The following EXT1 variants were observed in gnomAD, a reference collection of about 807,000 sequenced individuals.
The protein encoded by EXT1 is exostosin glycosyltransferase 1, also known as exostosin-1.
A neutral mutation model predicts 82.5 loss-of-function variants in EXT1; 20 were observed. The observed-to-expected ratio is 0.24, with a 90% CI of 0.17 to 0.35. EXT1 has a LOEUF of 0.35. Ranked by LOEUF, EXT1 falls within the 10% of genes least tolerant of loss-of-function variation. EXT1 has a pLI of 1.00. For missense variants in EXT1, 757 were observed against 936.5 expected, an observed-to-expected ratio of 0.81 and a Z score of 2.50; for synonymous variants, 348 against 350.8, an observed-to-expected ratio of 0.99 and a Z score of 0.09.
chr8:117,829,131 A>G (rs986246271), intron 4 of EXT1, among the ~76,000 whole-genome samples: 8 of 152,142 alleles, frequency 5.3e-5, no homozygotes, highest in Admixed American at 2.0e-4. Context: ...AATCACCTCA[A>G]CGAAGATCTC....
chr8:118,103,977 T>C (rs1817767584), intron 1 of EXT1, among the ~76,000 whole-genome samples: 1 of 152,246 alleles, frequency 6.6e-6, no homozygotes, highest in Non-Finnish European at 1.5e-5. Context: ...AAAGTTAATA[T>C]GTAACAGGGA....
chr8:117,930,438 C>T (rs1331111034), intron 1 of EXT1, among the ~76,000 whole-genome samples: 6 of 151,780 alleles, frequency 4.0e-5, no homozygotes, highest in Admixed American at 2.0e-4. Flanking sequence ...GACTCAAAGA[C>T]ATAAAGACTT....
intron 1 of EXT1, among the ~76,000 whole-genome samples, chr8:117,867,284 A>G (rs1812791740): frequency 7.1e-6 from 1 of 140,088 alleles, no homozygotes; most frequent in South Asian, 2.2e-4. Flanking sequence ...GCTTGAGGAA[A>G]TTTATAGCCC....
intron 1 of EXT1, among the ~76,000 whole-genome samples, chr8:118,044,001 C>T (rs1256025375): frequency 1.3e-5 from 2 of 152,188 alleles, no homozygotes; most frequent in African/African-American, 4.8e-5. Flanking sequence ...TTTACATCAG[C>T]TCATTGTGTA....
intron 1 of EXT1, among the ~76,000 whole-genome samples, chr8:118,013,520 A>G (rs1815944628): frequency 6.6e-6 from 1 of 152,138 alleles, no homozygotes; most frequent in Non-Finnish European, 1.5e-5. Flanking sequence ...TACAGGGGCT[A>G]GAGTAGGTAA....
At chr8:117,920,296 G>A (rs1813830794) in intron 1 of EXT1, among the ~76,000 whole-genome samples, 1 of 150,234 alleles carries the variant, frequency 6.7e-6, no homozygotes, top group South Asian at 2.1e-4. Flanking sequence ...TAGAGACGGG[G>A]TTTCACCATA....
chr8:117,883,136 A>G (rs557444309), intron 1 of EXT1, among the ~76,000 whole-genome samples: 4 of 152,304 alleles, frequency 2.6e-5, no homozygotes, highest in African/African-American at 7.2e-5. Flanking sequence ...TGCATACTCA[A>G]TATTCAGTGA....
chr8:117,813,143 T>C (rs535200987), intron 7 of EXT1, among the ~76,000 whole-genome samples, 182 bp from the exon 8 acceptor site: 61 of 152,340 alleles, frequency 4.0e-4, no homozygotes, highest in Middle Eastern at 6.8e-3. Context: ...TCAACAATTA[T>C]TGGGCACCTA....
chr8:117,847,421 G>GTTAAAAATGTCA lies in EXT1; in HGVS notation c.963-10232_963-10221dup, dbSNP rs558479487. On this transcript the variant is annotated intron_variant, in intron 1 of 10. Transcript: ENST00000378204. ...TTTATTTCTACAGGTCTGGCAGCTT[G>GTTAAAAATGTCA]TTAAAAATGTCATTTTCTCCCTGCA... 6.1e-3 allele frequency among the ~76,000 whole-genome samples: 926 copies of GTTAAAAATGTCA among 152,290 alleles called. 5 individuals carry two copies. Among genetic ancestry groups the GTTAAAAATGTCA allele is most frequent in the Non-Finnish European group, 1.0e-2 (680 of 68,022 alleles).
intron 1 of EXT1, among the ~76,000 whole-genome samples, chr8:117,941,214 G>A (rs1352741015): frequency 6.6e-6 from 1 of 152,208 alleles, no homozygotes; most frequent in East Asian, 1.9e-4. Context: ...ATTGTCATGT[G>A]CAGGCAATCC....
At chr8:117,801,575 G>C (rs1823167478) in intron 10 of EXT1, among the ~76,000 whole-genome samples, 1 of 151,802 alleles carries the variant, frequency 6.6e-6, no homozygotes, top group South Asian at 2.1e-4. Flanking sequence ...GCATGATCTT[G>C]GCTCACTGCA....
chr8:117,977,851 AAGT>A (rs996720008), intron 1 of EXT1, among the ~76,000 whole-genome samples: 2 of 152,190 alleles, frequency 1.3e-5, no homozygotes, highest in African/African-American at 4.8e-5. Context: ...CTAAACAGTG[AAGT>A]TAGCCACTAG....
At chr8:117,820,281 G>T (rs887219053) in intron 5 of EXT1, among the ~76,000 whole-genome samples, 21 of 152,180 alleles carry the variant, frequency 1.4e-4, no homozygotes, top group African/African-American at 4.8e-4. Context: ...CTGAATCCCA[G>T]ATCTACCACT....
intron 9 of EXT1, among the ~76,000 whole-genome samples, chr8:117,805,842 G>A (rs1823228699): frequency 6.6e-6 from 1 of 152,128 alleles, no homozygotes; most frequent in African/African-American, 2.4e-5. Context: ...CCAGTCCCCT[G>A]GCTTTAAAGA....
chr8:117,873,996 G>A (rs754448476), intron 1 of EXT1, among the ~76,000 whole-genome samples: 1 of 152,118 alleles, frequency 6.6e-6, no homozygotes, highest in Non-Finnish European at 1.5e-5. Context: ...GAATTTCTTA[G>A]GTATCTCCTT....
chr8:117,812,693 G>A (rs79465421), intron 8 of EXT1, among the ~76,000 whole-genome samples, 179 bp downstream of exon 8: 50 of 152,320 alleles, frequency 3.3e-4, no homozygotes, highest in South Asian at 1.0e-3. Context: ...CCGCCTCAGA[G>A]TGCCAGGTGG....
In EXT1 at chr8:118,045,554, A is replaced by G. The variant is rs115482671; in HGVS notation, c.962+64531T>C. 2.6e-3 allele frequency among the ~76,000 whole-genome samples: 401 copies of G among 152,268 alleles called. 2 individuals carry two copies. The highest frequency in any genetic ancestry group is 9.2e-3 in the African/African-American group (383 of 41,544). ...CATTGCTTGCAATGAAGGCTGCAAT[A>G]TAACTTTACCCAAAACCTAATTCAT... On this transcript the variant is annotated intron_variant, in intron 1 of 10. Transcript: ENST00000378204.
At chr8:118,011,705 C>T (rs1815903041) in intron 1 of EXT1, among the ~76,000 whole-genome samples, 1 of 152,196 alleles carries the variant, frequency 6.6e-6, no homozygotes, top group South Asian at 2.1e-4. Flanking sequence ...ACTCCCCACC[C>T]TGATCGCTCT....
intron 1 of EXT1, among the ~76,000 whole-genome samples, chr8:117,985,494 T>C (rs1453415713): frequency 1.3e-5 from 2 of 152,126 alleles, no homozygotes; most frequent in South Asian, 2.1e-4. Flanking sequence ...AAAGAGTTCC[T>C]AGTGTGGCAA....
Sources: gnomAD v4.1 joint callset for allele counts (sites outside exome capture counted in the v4.1 genomes callset) on GRCh38, gnomAD v4.1.1 for gene constraint, MANE v1.5 for transcripts, NCBI Gene and HGNC (gene_info 2026-07-23, HGNC 2026-07-21) for gene names.